Variants in SLC16A7 observed in about 807,000 individuals in gnomAD.
The protein encoded by SLC16A7 is monocarboxylate transporter 2.
SLC16A7 carries 33 observed loss-of-function variants against 34.9 expected under a neutral mutation model. That is an observed-to-expected ratio of 0.94 (90% CI 0.72 to 1.26). The LOEUF (loss-of-function observed/expected upper bound fraction) is 1.26, where lower values mean the gene tolerates loss of function less well. Among genes scored for constraint, SLC16A7 ranks in the 50% most tolerant of loss-of-function variants. The pLI, the probability that SLC16A7 is intolerant of heterozygous loss-of-function variation, is 0.00. For synonymous variants in SLC16A7, 201 were observed against 206.6 expected (o/e 0.97, Z 0.23); for missense variants, 573 against 578.1 (o/e 0.99, Z 0.09).
At chr12:59,765,501 A>G (rs11173137) in intron 3 of SLC16A7, among the ~76,000 whole-genome samples, 1 of 151,970 alleles carries the variant, frequency 6.6e-6, no homozygotes, top group Non-Finnish European at 1.5e-5. Context: ...TCTTGAATTA[A>G]TTTTTGTATA....
chr12:59,726,781 A>G (rs528314432), intron 3 of SLC16A7, among the ~76,000 whole-genome samples: 12 of 152,216 alleles, frequency 7.9e-5, no homozygotes, highest in African/African-American at 1.9e-4. Flanking sequence ...TGCAACCTCA[A>G]CTAAGCCCCT....
intron 3 of SLC16A7, chr12:59,735,980 C>A (rs549121637): frequency 2.5e-4 from 262 of 1,059,308 alleles, no homozygotes; most frequent in Middle Eastern, 2.1e-3. Context: ...AGATCACCAT[C>A]TACTTGAGGT....
intron 1 of SLC16A7, among the ~76,000 whole-genome samples, chr12:59,630,144 C>G (rs17122754): frequency 6.6e-6 from 1 of 151,822 alleles, no homozygotes; most frequent in Non-Finnish European, 1.5e-5. Context: ...ACTGAAAATT[C>G]GGCAGAATGA....
chr12:59,634,817 G>A (rs934209649), intron 1 of SLC16A7, among the ~76,000 whole-genome samples: 1 of 151,982 alleles, frequency 6.6e-6, no homozygotes, highest in African/African-American at 2.4e-5. Context: ...CTCTACAGTG[G>A]GTGATAGGAA....
chr12:59,757,673 C>T (rs797002167), intron 3 of SLC16A7, among the ~76,000 whole-genome samples: 3 of 152,194 alleles, frequency 2.0e-5, no homozygotes, highest in African/African-American at 4.8e-5. Flanking sequence ...CTCCTGCCTC[C>T]CCTTCCACCT....
At chr12:59,684,403 C>T (rs563796361) in intron 2 of SLC16A7, among the ~76,000 whole-genome samples, 5 of 152,286 alleles carry the variant, frequency 3.3e-5, no homozygotes, top group African/African-American at 1.2e-4. Context: ...AAATCTCCTT[C>T]CTGCTGTTCC....
intron 1 of SLC16A7, among the ~76,000 whole-genome samples, chr12:59,627,808 A>C (rs1184637421): frequency 6.6e-6 from 1 of 151,250 alleles, no homozygotes; most frequent in African/African-American, 2.4e-5. Context: ...GATGATTTCT[A>C]GGCCTACAAC....
chr12:59,700,413 A>T lies in SLC16A7; in HGVS notation c.-30-4359A>T, dbSNP rs146641448. ...ATTAAATTTAAAAACTGTTTCCAAG[A>T]TTATATATGTCATATGCATATTATT... On this transcript the variant is annotated intron_variant, in intron 2 of 5. Transcript: ENST00000547379. 1.4e-3 allele frequency among the ~76,000 whole-genome samples: 210 copies of T among 150,776 alleles called. 1 individual carries two copies. Among genetic ancestry groups the T allele is most frequent in the Middle Eastern group, 7.1e-3 (2 of 282 alleles).
chr12:59,702,254 A>G (rs977464521), intron 2 of SLC16A7, among the ~76,000 whole-genome samples: 2 of 151,998 alleles, frequency 1.3e-5, no homozygotes, highest in African/African-American at 4.8e-5. Context: ...AATATTATAC[A>G]TCTTCAAAGA....
intron 2 of SLC16A7, among the ~76,000 whole-genome samples, chr12:59,657,470 C>G (rs1030113895): frequency 1.3e-5 from 2 of 151,790 alleles, no homozygotes; most frequent in African/African-American, 4.8e-5. Flanking sequence ...ATGCAGCACC[C>G]TGTAATAAGA....
intron 2 of SLC16A7, among the ~76,000 whole-genome samples, chr12:59,662,422 T>C (rs753752814): frequency 3.9e-4 from 59 of 152,206 alleles, no homozygotes; most frequent in Admixed American, 1.8e-3. Flanking sequence ...TCCTCTCTCC[T>C]GTCCTCATAT....
chr12:59,631,659 G>A (rs879790013), intron 1 of SLC16A7, among the ~76,000 whole-genome samples: 5 of 151,950 alleles, frequency 3.3e-5, no homozygotes, highest in Non-Finnish European at 5.9e-5. Flanking sequence ...AGTCCAGCAT[G>A]TATTGGATAT....
Position 59,786,188 on chromosome 12 carries a change from TAATA to T in SLC16A7, c.*6516_*6519del, listed in dbSNP as rs1157836821. ...TACCCTAAAACTTAAAGTATAATAA[TAATA>T]AATAAAATAAAATAAAATAATAAAA... On this transcript the variant is annotated 3_prime_UTR_variant, in exon 6 of 6. Transcript: ENST00000547379. 1.0e-4 allele frequency: 15 copies of T among 143,754 alleles called. No homozygotes were observed. Among genetic ancestry groups the T allele is most frequent in the Admixed American group, 1.0e-3 (15 of 14,894 alleles). 8.9% of individuals were successfully genotyped at this position (143,754 alleles called of 1,614,324 possible).
chr12:59,760,799 T>G (rs1381651765), intron 3 of SLC16A7, among the ~76,000 whole-genome samples: 1 of 152,082 alleles, frequency 6.6e-6, no homozygotes, highest in Admixed American at 6.6e-5. Context: ...AATTTAAAAC[T>G]TATGAATTAT....
chr12:59,725,411 T>A (rs1416529493), intron 3 of SLC16A7, among the ~76,000 whole-genome samples: 2 of 152,022 alleles, frequency 1.3e-5, no homozygotes, highest in Non-Finnish European at 2.9e-5. Context: ...GCTTCCAACT[T>A]CCAGGATTTT....
intron 3 of SLC16A7, among the ~76,000 whole-genome samples, chr12:59,735,586 G>A (rs1011850148): frequency 6.6e-6 from 1 of 152,128 alleles, no homozygotes; most frequent in African/African-American, 2.4e-5. Context: ...AATAAACCCA[G>A]TCCTAAAGTG....
intron 1 of SLC16A7, among the ~76,000 whole-genome samples, chr12:59,642,254 C>G (rs567420213): frequency 6.6e-6 from 1 of 152,074 alleles, no homozygotes; most frequent in South Asian, 2.1e-4. Flanking sequence ...ACCTATAGTC[C>G]TGTTAGCCCA....
chr12:59,679,132 A>C (rs376463818), intron 2 of SLC16A7, among the ~76,000 whole-genome samples: 10,826 of 152,246 alleles, frequency 0.071, 425 homozygotes, highest in Middle Eastern at 0.17. Context: ...CAGCATCCAC[A>C]GTGTGGCTTG....
intron 3 of SLC16A7, among the ~76,000 whole-genome samples, chr12:59,711,373 A>G (rs1874209510): frequency 6.6e-6 from 1 of 152,222 alleles, no homozygotes; most frequent in Admixed American, 6.5e-5. Flanking sequence ...GGAATTTTGC[A>G]TGTAGATACT....
Sources: allele counts gnomAD v4.1 joint callset (sites outside exome capture counted in the v4.1 genomes callset), GRCh38; gene constraint gnomAD v4.1.1; transcripts MANE v1.5; gene names NCBI Gene and HGNC (gene_info 2026-07-23, HGNC 2026-07-21).